RBMS3: variants seen among roughly 807,000 people sequenced by gnomAD.
RBMS3 encodes RNA-binding motif, single-stranded-interacting protein 3.
RBMS3 carries 27 observed loss-of-function variants against 66.8 expected under a neutral mutation model. The observed-to-expected ratio is 0.40, with a 90% CI of 0.30 to 0.56. The LOEUF is 0.56. Among genes scored for constraint, RBMS3 ranks in the 20% least tolerant of loss-of-function variants. RBMS3 has a pLI of 0.40. For missense variants in RBMS3, 513 were observed against 549.5 expected, an observed-to-expected ratio of 0.93 and a Z score of 0.66; for synonymous variants, 188 against 183.0, an observed-to-expected ratio of 1.03 and a Z score of -0.22.
chr3:29,511,778 A>T (rs1313668429), intron 3 of RBMS3, among the ~76,000 whole-genome samples: 1 of 152,074 alleles, frequency 6.6e-6, no homozygotes, highest in Non-Finnish European at 1.5e-5. Context: ...TCACATTATG[A>T]CTTTAAAGTT....
intron 1 of RBMS3, among the ~76,000 whole-genome samples, chr3:29,394,254 A>G (rs7610918): frequency 0.62 from 94,526 of 152,100 alleles, 29,561 homozygotes; most frequent in Admixed American, 0.67. Flanking sequence ...CGCTTTCTGC[A>G]AGAAGAGAAA....
At chr3:29,852,698 T>C (rs1303268971) in intron 6 of RBMS3, among the ~76,000 whole-genome samples, 1 of 152,154 alleles carries the variant, frequency 6.6e-6, no homozygotes, top group Non-Finnish European at 1.5e-5. Context: ...AGGGAACACA[T>C]AAACTGTTGG....
At chr3:29,470,056 TATTTA>T (rs944693886) in intron 2 of RBMS3, among the ~76,000 whole-genome samples, 1 of 148,768 alleles carries the variant, frequency 6.7e-6, no homozygotes, top group Non-Finnish European at 1.5e-5. Context: ...ATACTGATTA[TATTTA>T]ATTTAAACTT....
intron 4 of RBMS3, among the ~76,000 whole-genome samples, chr3:29,602,683 A>G (rs12486722): frequency 0.016 from 2,407 of 152,098 alleles, 78 homozygotes; most frequent in African/African-American, 0.055. Flanking sequence ...TCTTACAACT[A>G]TTATCTTAGT....
At chr3:29,655,214 A>T (rs1209542168) in intron 4 of RBMS3, among the ~76,000 whole-genome samples, 2 of 152,186 alleles carry the variant, frequency 1.3e-5, no homozygotes, top group Non-Finnish European at 2.9e-5. Flanking sequence ...ATGGCTTGTG[A>T]ATACTAAGTG....
chr3:29,334,827 T>C (rs1357106082), intron 1 of RBMS3, among the ~76,000 whole-genome samples: 3 of 152,180 alleles, frequency 2.0e-5, no homozygotes, highest in African/African-American at 7.2e-5. Context: ...ATGCAGAAAC[T>C]GTTCTTTATA....
In RBMS3 at chr3:29,936,107, A is replaced by G. The variant is rs748477022; in HGVS notation, c.961A>G (p.Met321Val). 6.2e-7 allele frequency: 1 copy of G among 1,613,294 alleles called. No homozygotes were observed. Among genetic ancestry groups the G allele is most frequent in the Non-Finnish European group, 8.5e-7 (1 of 1,179,532 alleles). Reference sequence around the variant, plus strand: ...GTAGGGTGCTGTGATTACACCAACCATGGACCATCCCATGTCAATGCAGCC... The same window carrying G: ...GTAGGGTGCTGTGATTACACCAACCGTGGACCATCCCATGTCAATGCAGCC... ...QPTGAVITPTMDHPMSMQPAN... is the reference protein window; with the variant it reads ...QPTGAVITPTVDHPMSMQPAN... The change falls in exon 11 of 15, where the codon ATG becomes GTG. Residue 321 changes from methionine (M) to valine (V), a missense_variant. Transcript: ENST00000383767.
rs543400044 is a variant in RBMS3, at chr3:29,564,241, C to A, written c.308-22873C>A. Among the ~76,000 whole-genome samples, 19 of 152,052 alleles carry A rather than the reference C, an allele frequency of 1.2e-4. No individual in the cohort carries two copies. The South Asian group carries it at 3.9e-3, about 32-fold the overall frequency. On this transcript the variant is annotated intron_variant, in intron 3 of 14. Transcript: ENST00000383767. ...CCTGTAATCCCAGCACTTTGGGAGG[C>A]CAAGGTGGGTGGATCACCTGAGGTC... is the stretch of plus-strand genomic sequence containing the variant.
intron 4 of RBMS3, among the ~76,000 whole-genome samples, chr3:29,665,398 G>C (rs2050712039): frequency 6.6e-6 from 1 of 151,972 alleles, no homozygotes; most frequent in Non-Finnish European, 1.5e-5. Flanking sequence ...ACATAACTTA[G>C]CTTTAACTGA....
intron 1 of RBMS3, among the ~76,000 whole-genome samples, chr3:29,299,748 A>G (rs1366739165): frequency 2.0e-5 from 3 of 152,058 alleles, no homozygotes; most frequent in East Asian, 3.9e-4. Flanking sequence ...ACACTACACC[A>G]TGATATATAA....
intron 1 of RBMS3, among the ~76,000 whole-genome samples, chr3:29,294,004 C>T (rs1358518117): frequency 2.0e-5 from 3 of 151,440 alleles, no homozygotes; most frequent in African/African-American, 7.3e-5. Flanking sequence ...TCAAACATAA[C>T]TGTACTCTTC....
chr3:29,964,482 A>G (rs1435887495), intron 12 of RBMS3, among the ~76,000 whole-genome samples: 2 of 152,148 alleles, frequency 1.3e-5, no homozygotes, highest in Non-Finnish European at 1.5e-5. Flanking sequence ...TCCCATTTCT[A>G]TTATACTCAT....
chr3:29,807,175 G>C (rs2057577759), intron 6 of RBMS3, among the ~76,000 whole-genome samples: 1 of 151,856 alleles, frequency 6.6e-6, no homozygotes, highest in African/African-American at 2.4e-5. Context: ...TAACAAAATA[G>C]TAAGAACATA....
intron 1 of RBMS3, among the ~76,000 whole-genome samples, chr3:29,307,272 G>A (rs2034074588): frequency 6.6e-6 from 1 of 151,898 alleles, no homozygotes; most frequent in South Asian, 2.1e-4. Context: ...GTAAGTTGAG[G>A]GTTGGAGGAA....
chr3:29,304,416 T>C (rs1455019637), intron 1 of RBMS3, among the ~76,000 whole-genome samples: 2 of 151,984 alleles, frequency 1.3e-5, no homozygotes, highest in Admixed American at 1.3e-4. Flanking sequence ...AGACTATATC[T>C]GTACTCGCCA....
At chr3:29,731,746 A>G in intron 4 of RBMS3, among the ~76,000 whole-genome samples, 1 of 152,132 alleles carries the variant, frequency 6.6e-6, no homozygotes, top group East Asian at 1.9e-4. Flanking sequence ...TATAGATTTG[A>G]CAAAACTAAC....
chr3:29,390,468 A>T (rs889705656), intron 1 of RBMS3, among the ~76,000 whole-genome samples: 3 of 152,156 alleles, frequency 2.0e-5, no homozygotes, highest in Non-Finnish European at 4.4e-5. Context: ...TATAATATAG[A>T]CTGTTTTAAT....
rs1699868032 is a variant in RBMS3, at chr3:30,008,550, A to T, written c.*4688A>T. ...GAGATTTTGTCTTTCATGTTATTGT[A>T]GCTGGCATGCTTCAAAATTTTGAGC... On this transcript the variant is annotated 3_prime_UTR_variant, in exon 15 of 15. Transcript: ENST00000383767. 1 of 152,098 alleles carries T rather than the reference A, an allele frequency of 6.6e-6. No homozygotes were observed. Among genetic ancestry groups the T allele is most frequent in the African/African-American group, 2.4e-5 (1 of 41,430 alleles). The allele number at this position is 152,098 out of a possible 1,614,324, so 9.4% of individuals were successfully genotyped here.
chr3:29,513,284 G>C (rs1158586979), intron 3 of RBMS3, among the ~76,000 whole-genome samples: 1 of 152,082 alleles, frequency 6.6e-6, no homozygotes, highest in Non-Finnish European at 1.5e-5. Flanking sequence ...ACCTTTCAGG[G>C]AACAGATTTC....
Sources: gnomAD v4.1 joint callset for allele counts (sites outside exome capture counted in the v4.1 genomes callset) on GRCh38, gnomAD v4.1.1 for gene constraint, MANE v1.5 for transcripts, NCBI Gene and HGNC (gene_info 2026-07-23, HGNC 2026-07-21) for gene names.